The following KCNQ5 variants were observed in gnomAD, a reference collection of about 807,000 sequenced individuals.
KCNQ5 encodes potassium voltage-gated channel subfamily Q member 5.
KCNQ5 carries 30 observed loss-of-function variants against 98.2 expected under a neutral mutation model. The ratio of observed to expected loss-of-function variants is 0.31; its 90% CI spans 0.23 to 0.41. The LOEUF (loss-of-function observed/expected upper bound fraction) is 0.41, where lower values mean the gene tolerates loss of function less well. KCNQ5 is among the 10% of genes least tolerant of loss of function. KCNQ5 has a pLI of 1.00. For synonymous variants in KCNQ5, 458 were observed against 449.4 expected, an observed-to-expected ratio of 1.02 and a Z score of -0.24; for missense variants, 835 against 1,182.5, an observed-to-expected ratio of 0.71 and a Z score of 4.31.
At chr6:72,908,354 G>A (rs1364961715) in intron 1 of KCNQ5, among the ~76,000 whole-genome samples, 1 of 151,996 alleles carries the variant, frequency 6.6e-6, no homozygotes, top group Non-Finnish European at 1.5e-5. Flanking sequence ...AATAGATTTA[G>A]CTGCTCTTGT....
At chr6:72,816,460 A>C (rs2150109570) in intron 1 of KCNQ5, among the ~76,000 whole-genome samples, 1 of 152,348 alleles carries the variant, frequency 6.6e-6, no homozygotes, top group Non-Finnish European at 1.5e-5. Context: ...TAACTTTGTA[A>C]GAACGGGGAG....
intron 6 of KCNQ5, among the ~76,000 whole-genome samples, chr6:73,110,795 T>C (rs73452886): frequency 0.018 from 2,735 of 152,298 alleles, 93 homozygotes; most frequent in African/African-American, 0.061. Context: ...ATTTCATGAA[T>C]AGAGAATCTA....
At chr6:72,886,533 T>C (rs1258709404) in intron 1 of KCNQ5, among the ~76,000 whole-genome samples, 4 of 152,158 alleles carry the variant, frequency 2.6e-5, no homozygotes, top group Non-Finnish European at 5.9e-5. Context: ...AATATGATTA[T>C]TAAGAAATTT....
intron 1 of KCNQ5, among the ~76,000 whole-genome samples, chr6:72,804,580 G>A (rs919372400): frequency 2.0e-5 from 3 of 152,104 alleles, no homozygotes; most frequent in Admixed American, 1.3e-4. Flanking sequence ...AATGGACACA[G>A]ATTGCTTCCA....
chr6:72,900,996 C>G (rs998287370), intron 1 of KCNQ5, among the ~76,000 whole-genome samples: 2 of 151,832 alleles, frequency 1.3e-5, no homozygotes, highest in Non-Finnish European at 2.9e-5. Context: ...TTTAATTATG[C>G]TTTAAGTTCT....
chr6:73,120,636 A>ACCATACC, intron 8 of KCNQ5, 59 bp downstream of exon 8: 1 of 1,074,464 alleles, frequency 9.3e-7, no homozygotes, highest in Admixed American at 1.9e-5. Context: ...TGTTAAACAA[A>ACCATACC]CCATACCCAC....
intron 1 of KCNQ5, among the ~76,000 whole-genome samples, chr6:73,000,338 T>A (rs1178915616): frequency 1.3e-5 from 2 of 152,216 alleles, no homozygotes; most frequent in Admixed American, 1.3e-4. Flanking sequence ...GTGTTCATTG[T>A]TCTCCATGAT....
intron 11 of KCNQ5, among the ~76,000 whole-genome samples, chr6:73,170,092 A>C (rs1777950048): frequency 8.5e-6 from 1 of 117,746 alleles, no homozygotes; most frequent in Admixed American, 8.6e-5. Context: ...CATATTAGAG[A>C]GATTACACGA....
intron 11 of KCNQ5, among the ~76,000 whole-genome samples, chr6:73,189,260 G>A (rs28737285): frequency 6.6e-6 from 1 of 152,004 alleles, no homozygotes; most frequent in Non-Finnish European, 1.5e-5. Context: ...AAATGGTTTT[G>A]GGGGGAAATA....
chr6:72,961,051 C>T (rs1451522883), intron 1 of KCNQ5, among the ~76,000 whole-genome samples: 1 of 152,198 alleles, frequency 6.6e-6, no homozygotes, highest in Non-Finnish European at 1.5e-5. Context: ...AGAAGGATAG[C>T]TTGAGCCCAG....
intron 3 of KCNQ5, among the ~76,000 whole-genome samples, chr6:73,075,353 G>T (rs1370397331): frequency 1.3e-5 from 2 of 151,802 alleles, no homozygotes; most frequent in Non-Finnish European, 2.9e-5. Flanking sequence ...CTTCCAAGTA[G>T]CTGGGATTAC....
chr6:72,777,084 T>A (rs890686199), intron 1 of KCNQ5, among the ~76,000 whole-genome samples: 6 of 152,210 alleles, frequency 3.9e-5, no homozygotes, highest in Non-Finnish European at 7.3e-5. Flanking sequence ...CAGAATAGTG[T>A]AAGCAGGGAG....
chr6:72,723,213 G>T (rs1770067070), intron 1 of KCNQ5, among the ~76,000 whole-genome samples: 1 of 152,088 alleles, frequency 6.6e-6, no homozygotes, highest in South Asian at 2.1e-4. Flanking sequence ...AATGTGGAAA[G>T]AAAAGAACAT....
chr6:73,168,007 T>A (rs1029384753), intron 10 of KCNQ5, among the ~76,000 whole-genome samples: 7 of 152,142 alleles, frequency 4.6e-5, no homozygotes, highest in Admixed American at 4.6e-4. Flanking sequence ...ATTATTATCA[T>A]TATTGTGAGG....
At chr6:73,143,257 A>C (rs1776791198) in intron 10 of KCNQ5, among the ~76,000 whole-genome samples, 1 of 152,230 alleles carries the variant, frequency 6.6e-6, no homozygotes, top group Non-Finnish European at 1.5e-5. Context: ...GAAAACCTCT[A>C]AGAAATTTTC....
chr6:72,756,429 A>C (rs1771975473), intron 1 of KCNQ5, among the ~76,000 whole-genome samples: 1 of 152,150 alleles, frequency 6.6e-6, no homozygotes, highest in African/African-American at 2.4e-5. Context: ...AGCATTTGGG[A>C]ACTCTATTTT....
intron 1 of KCNQ5, among the ~76,000 whole-genome samples, chr6:72,627,326 A>T (rs1024912434): frequency 6.6e-6 from 1 of 152,282 alleles, no homozygotes; most frequent in Middle Eastern, 3.4e-3. Flanking sequence ...GAGACTGGGG[A>T]ACACCAACAC....
chr6:72,691,804 A>T (rs943969333), intron 1 of KCNQ5, among the ~76,000 whole-genome samples: 7 of 152,196 alleles, frequency 4.6e-5, no homozygotes, highest in Admixed American at 3.3e-4. Flanking sequence ...TCATGTCATT[A>T]GTTCTTAGTG....
intron 1 of KCNQ5, among the ~76,000 whole-genome samples, chr6:72,656,765 A>T (rs1174734367): frequency 6.6e-6 from 1 of 152,080 alleles, no homozygotes; most frequent in Non-Finnish European, 1.5e-5. Context: ...GTCCACTGAG[A>T]GCATCTTATC....
Sources: gnomAD v4.1 joint callset for allele counts (sites outside exome capture counted in the v4.1 genomes callset) on GRCh38, gnomAD v4.1.1 for gene constraint, MANE v1.5 for transcripts, NCBI Gene and HGNC (gene_info 2026-07-23, HGNC 2026-07-21) for gene names.